The following ZNF804A variants were observed in gnomAD, a reference collection of about 807,000 sequenced individuals.
The protein encoded by ZNF804A is zinc finger protein 804A.
ZNF804A carries 2 observed loss-of-function variants against 16.5 expected under a neutral mutation model. The observed-to-expected ratio is 0.12, with a 90% CI of 0.05 to 0.38. The LOEUF (loss-of-function observed/expected upper bound fraction) is 0.38. ZNF804A is among the 10% of genes least tolerant of loss of function. The probability of loss-of-function intolerance (pLI) is 0.99; values close to 1 mark genes in which losing one functional copy is unlikely to be tolerated. For missense variants in ZNF804A, 1,473 were observed against 1,390.7 expected (o/e 1.06, Z -0.94); for synonymous variants, 534 against 489.6 (o/e 1.09, Z -1.20).
At chr2:184,612,073 G>A (rs1201671399) in intron 1 of ZNF804A, among the ~76,000 whole-genome samples, 1 of 151,978 alleles carries the variant, frequency 6.6e-6, no homozygotes, top group Non-Finnish European at 1.5e-5. Context: ...TAATGTCATA[G>A]CTAATTAATC....
chr2:184,697,600 G>A (rs1364156902), intron 1 of ZNF804A, among the ~76,000 whole-genome samples: 1 of 151,992 alleles, frequency 6.6e-6, no homozygotes, highest in African/African-American at 2.4e-5. Flanking sequence ...ATGTTATGAA[G>A]ATTGAAAAAG....
At chr2:184,879,148 TGAGAGA>T (rs141198554) in intron 2 of ZNF804A, among the ~76,000 whole-genome samples, 1 of 151,400 alleles carries the variant, frequency 6.6e-6, no homozygotes, top group African/African-American at 2.4e-5. Context: ...GTTGTGTGTG[TGAGAGA>T]GAGAGAGAAA....
rs148205088 is a variant in ZNF804A at position 184,923,501 on chromosome 2, C to T, written c.256-10102C>T. On this transcript the variant is annotated intron_variant, in intron 2 of 3. Transcript: ENST00000302277. ...ATTATATCATCTGGAACAAAGATAA[C>T]ATGGCTTCTTCCTTTCCAATTTGGA... 1.6e-3 allele frequency among the ~76,000 whole-genome samples: 248 copies of T among 151,628 alleles called. 1 individual carries two copies. The highest frequency in any genetic ancestry group is 5.8e-3 in the African/African-American group (238 of 41,192).
chr2:184,621,957 G>T (rs1003985113), intron 1 of ZNF804A, among the ~76,000 whole-genome samples: 1 of 151,688 alleles, frequency 6.6e-6, no homozygotes, highest in Admixed American at 6.6e-5. Context: ...GCCTGAGTTT[G>T]GTTTTTGATG....
At chr2:184,637,577 T>C (rs1178676635) in intron 1 of ZNF804A, among the ~76,000 whole-genome samples, 2 of 152,178 alleles carry the variant, frequency 1.3e-5, no homozygotes, top group Admixed American at 1.3e-4. Flanking sequence ...ATAATTCTGT[T>C]CAAAACAGGA....
At chr2:184,720,552 A>G (rs1693295478) in intron 1 of ZNF804A, among the ~76,000 whole-genome samples, 1 of 152,174 alleles carries the variant, frequency 6.6e-6, no homozygotes, top group Non-Finnish European at 1.5e-5. Flanking sequence ...AATTTAACCA[A>G]GGAGATAAAA....
chr2:184,764,411 C>T (rs955612734), intron 1 of ZNF804A, among the ~76,000 whole-genome samples: 1 of 152,082 alleles, frequency 6.6e-6, no homozygotes, highest in Admixed American at 6.5e-5. Flanking sequence ...CCTCATTTTC[C>T]TCTTATAAAC....
intron 1 of ZNF804A, among the ~76,000 whole-genome samples, chr2:184,693,309 A>G (rs1375442827): frequency 6.6e-6 from 1 of 152,194 alleles, no homozygotes; most frequent in Non-Finnish European, 1.5e-5. Flanking sequence ...TAAAAACCAT[A>G]TATGGCATAC....
At chr2:184,682,921 T>C (rs1225598062) in intron 1 of ZNF804A, among the ~76,000 whole-genome samples, 6 of 152,178 alleles carry the variant, frequency 3.9e-5, no homozygotes, top group Admixed American at 1.3e-4. Context: ...GGTGGGAGAA[T>C]CACCTGAGTT....
chr2:184,631,818 G>A lies in ZNF804A; in HGVS notation c.111+32748G>A, dbSNP rs1465973273. Among the ~76,000 whole-genome samples the A allele has an allele frequency of 2.0e-5, 3 of 152,094 alleles. No homozygotes were observed. In the East Asian group the frequency reaches 5.8e-4, roughly 29 times the overall value. Reference sequence around the variant, plus strand: ...CTCCAAAAAGCTTATTGTCTGCATTGAAATAAAGGAAGATAGTATATTAAA... The same window carrying A: ...CTCCAAAAAGCTTATTGTCTGCATTAAAATAAAGGAAGATAGTATATTAAA... On this transcript the variant is annotated intron_variant, in intron 1 of 3. Coordinates refer to ENST00000302277, the MANE Select transcript of ZNF804A (RefSeq NM_194250.2).
At chr2:184,709,180 C>A (rs959838720) in intron 1 of ZNF804A, among the ~76,000 whole-genome samples, 1 of 152,058 alleles carries the variant, frequency 6.6e-6, no homozygotes, top group South Asian at 2.1e-4. Flanking sequence ...TTGGGGTATA[C>A]AACAATCCTC....
intron 2 of ZNF804A, among the ~76,000 whole-genome samples, chr2:184,880,462 A>AC (rs919522970): frequency 6.6e-6 from 1 of 151,936 alleles, no homozygotes; most frequent in African/African-American, 2.4e-5. Context: ...GTTAAGACAC[A>AC]TTTTTTAAAA....
At chr2:184,845,243 T>C (rs958767094) in intron 1 of ZNF804A, among the ~76,000 whole-genome samples, 1 of 152,102 alleles carries the variant, frequency 6.6e-6, no homozygotes, top group African/African-American at 2.4e-5. Flanking sequence ...CTTCAGACTG[T>C]TTTTTCCTTA....
intron 1 of ZNF804A, among the ~76,000 whole-genome samples, chr2:184,665,896 C>T (rs1692247333): frequency 6.6e-6 from 1 of 152,194 alleles, no homozygotes; most frequent in South Asian, 2.1e-4. Flanking sequence ...TATCACATCC[C>T]TCTGGATTCC....
intron 1 of ZNF804A, among the ~76,000 whole-genome samples, chr2:184,703,822 T>TA (rs879881418): frequency 2.6e-5 from 4 of 151,924 alleles, no homozygotes; most frequent in Non-Finnish European, 5.9e-5. Context: ...ATTTAACTTA[T>TA]AAAAAAAGTG....
At chr2:184,782,009 C>G (rs138399516) in intron 1 of ZNF804A, among the ~76,000 whole-genome samples, 158 of 151,842 alleles carry the variant, frequency 1.0e-3, no homozygotes, top group African/African-American at 3.6e-3. Flanking sequence ...ATCCTCTTCC[C>G]TCTGTATGTA....
At chr2:184,910,660 TAG>T (rs1387565827) in intron 2 of ZNF804A, among the ~76,000 whole-genome samples, 7 of 152,098 alleles carry the variant, frequency 4.6e-5, no homozygotes, top group African/African-American at 1.4e-4. Context: ...TTTTAAGTAA[TAG>T]CCATTCTGAC....
intron 1 of ZNF804A, among the ~76,000 whole-genome samples, chr2:184,817,249 G>A (rs1355886272): frequency 6.6e-6 from 1 of 151,696 alleles, no homozygotes; most frequent in Non-Finnish European, 1.5e-5. Context: ...TGGAGGTAAG[G>A]GATAAAAACA....
intron 1 of ZNF804A, among the ~76,000 whole-genome samples, chr2:184,835,789 T>A (rs1036393731): frequency 2.0e-5 from 3 of 151,498 alleles, no homozygotes; most frequent in Non-Finnish European, 4.4e-5. Flanking sequence ...AGACACAGAG[T>A]TGAAGGTTCA....
Sources: allele counts gnomAD v4.1 joint callset (sites outside exome capture counted in the v4.1 genomes callset), GRCh38; gene constraint gnomAD v4.1.1; transcripts MANE v1.5; gene names NCBI Gene and HGNC (gene_info 2026-07-23, HGNC 2026-07-21).